The following MACROD2 variants were observed in gnomAD, a reference collection of about 807,000 sequenced individuals.
The protein encoded by MACROD2 is ADP-ribose glycohydrolase MACROD2.
In MACROD2, 36 loss-of-function variants were observed where a neutral mutation model predicts 70.4. That is an observed-to-expected ratio of 0.51 (90% CI 0.39 to 0.68). The LOEUF (loss-of-function observed/expected upper bound fraction) is 0.68, where lower values mean the gene tolerates loss of function less well. Ranked by LOEUF, MACROD2 falls within the 30% of genes least tolerant of loss-of-function variation. MACROD2 has a pLI of 0.00. For synonymous variants in MACROD2, 172 were observed against 178.8 expected (o/e 0.96, Z 0.30); for missense variants, 496 against 538.4 (o/e 0.92, Z 0.78).
intron 12 of MACROD2, among the ~76,000 whole-genome samples, chr20:15,957,262 A>T (rs6080052): frequency 2.0e-5 from 3 of 152,124 alleles, no homozygotes; most frequent in Admixed American, 6.6e-5. Flanking sequence ...TGCACACTTA[A>T]GAATTTTGTA....
chr20:15,498,935 T>C (rs1032028599), intron 7 of MACROD2, among the ~76,000 whole-genome samples: 6 of 152,198 alleles, frequency 3.9e-5, no homozygotes, highest in African/African-American at 1.4e-4. Context: ...AAGGCAGTGG[T>C]GAGCTCAAAG....
chr20:14,421,438 T>C (rs959123815), intron 3 of MACROD2, among the ~76,000 whole-genome samples: 4 of 152,192 alleles, frequency 2.6e-5, no homozygotes, highest in Non-Finnish European at 4.4e-5. Context: ...CATTTTTCAA[T>C]TTTAGCAGAT....
At chr20:15,249,512 T>C (rs558217167) in intron 6 of MACROD2, among the ~76,000 whole-genome samples, 1 of 152,218 alleles carries the variant, frequency 6.6e-6, no homozygotes, top group Admixed American at 6.5e-5. Flanking sequence ...GTTTTCAGGA[T>C]GAAGCCTGAT....
At chr20:15,944,807 A>G (rs918471603) in intron 12 of MACROD2, among the ~76,000 whole-genome samples, 1 of 152,228 alleles carries the variant, frequency 6.6e-6, no homozygotes, top group Non-Finnish European at 1.5e-5. Flanking sequence ...ATATAATCAC[A>G]TCACCCAGAG....
chr20:15,180,923 G>A (rs999600782), intron 5 of MACROD2, among the ~76,000 whole-genome samples: 27 of 152,172 alleles, frequency 1.8e-4, no homozygotes, highest in Admixed American at 1.0e-3. Context: ...TAATTATGTC[G>A]TAAACATTTT....
At chr20:15,005,439 C>T (rs1178701993) in intron 5 of MACROD2, among the ~76,000 whole-genome samples, 1 of 152,218 alleles carries the variant, frequency 6.6e-6, no homozygotes, top group African/African-American at 2.4e-5. Flanking sequence ...GCTTATCTAA[C>T]ATGGCCAAGG....
chr20:15,478,338 G>A (rs532368810), intron 7 of MACROD2, among the ~76,000 whole-genome samples: 1 of 152,288 alleles, frequency 6.6e-6, no homozygotes, highest in South Asian at 2.1e-4. Flanking sequence ...GCTTGTTCAA[G>A]CTGTGCACCC....
chr20:15,361,466 T>C (rs2078350808), intron 6 of MACROD2, among the ~76,000 whole-genome samples: 7 of 152,202 alleles, frequency 4.6e-5, no homozygotes, highest in Admixed American at 4.6e-4. Flanking sequence ...TTGATTGATG[T>C]TGCTATATAA....
chr20:15,445,908 A>G (rs1356891025), intron 7 of MACROD2, among the ~76,000 whole-genome samples: 1 of 152,176 alleles, frequency 6.6e-6, no homozygotes, highest in East Asian at 1.9e-4. Context: ...TGGGAATCAG[A>G]CAATCATGAA....
intron 8 of MACROD2, among the ~76,000 whole-genome samples, chr20:15,628,104 T>C (rs2049233278): frequency 6.6e-6 from 1 of 152,128 alleles, no homozygotes; most frequent in Admixed American, 6.5e-5. Flanking sequence ...AAGAAGAAAC[T>C]ATATGGGAGG....
intron 6 of MACROD2, among the ~76,000 whole-genome samples, chr20:15,246,327 C>T (rs1279855323): frequency 6.6e-6 from 1 of 151,986 alleles, no homozygotes; most frequent in East Asian, 1.9e-4. Context: ...ACTTCCTTTC[C>T]CTGAGTTACC....
At chr20:16,036,054 G>A (rs1410476820) in intron 15 of MACROD2, among the ~76,000 whole-genome samples, 1 of 151,978 alleles carries the variant, frequency 6.6e-6, no homozygotes, top group African/African-American at 2.4e-5. Context: ...CATTAATAGT[G>A]AAGTTGGAAC....
intron 5 of MACROD2, among the ~76,000 whole-genome samples, chr20:15,065,509 G>A (rs1356912344): frequency 6.6e-6 from 1 of 151,980 alleles, no homozygotes; most frequent in Non-Finnish European, 1.5e-5. Flanking sequence ...CAAAAAATTA[G>A]CCAGGCTCGG....
At chr20:15,920,435 C>G (rs1367759334) in intron 10 of MACROD2, among the ~76,000 whole-genome samples, 1 of 152,152 alleles carries the variant, frequency 6.6e-6, no homozygotes, top group African/African-American at 2.4e-5. Flanking sequence ...TTAAAATTGA[C>G]TGTTATATGC....
At chr20:14,731,259 G>A (rs565761266) in intron 5 of MACROD2, among the ~76,000 whole-genome samples, 3 of 152,108 alleles carry the variant, frequency 2.0e-5, no homozygotes, top group Non-Finnish European at 4.4e-5. Context: ...GGGAGGAAAC[G>A]TGCCTGTCCT....
intron 5 of MACROD2, among the ~76,000 whole-genome samples, chr20:14,951,242 T>A (rs2074473386): frequency 6.6e-6 from 1 of 152,040 alleles, no homozygotes. Context: ...ATAACACTAG[T>A]GAAGCTGAGG....
At chr20:14,625,648 A>G in intron 4 of MACROD2, among the ~76,000 whole-genome samples, 1 of 152,132 alleles carries the variant, frequency 6.6e-6, no homozygotes, top group East Asian at 1.9e-4. Flanking sequence ...CCAAATGCCT[A>G]ATCTGACAGC....
At chr20:15,998,408 A>C (rs1364316415) in intron 15 of MACROD2, among the ~76,000 whole-genome samples, 3 of 152,102 alleles carry the variant, frequency 2.0e-5, no homozygotes, top group Non-Finnish European at 4.4e-5. Context: ...CAGCCATGTT[A>C]GATTGTATGC....
At chr20:15,756,989 T>C (rs1167702687) in intron 8 of MACROD2, among the ~76,000 whole-genome samples, 1 of 152,202 alleles carries the variant, frequency 6.6e-6, no homozygotes, top group Admixed American at 6.5e-5. Context: ...CCTCAAATTA[T>C]TGGAGACATT....
Sources: gnomAD v4.1 joint callset for allele counts (sites outside exome capture counted in the v4.1 genomes callset) on GRCh38, gnomAD v4.1.1 for gene constraint, MANE v1.5 for transcripts, NCBI Gene and HGNC (gene_info 2026-07-23, HGNC 2026-07-21) for gene names.